STARD13: variants seen among roughly 807,000 people sequenced by gnomAD.
STARD13 encodes the protein StAR related lipid transfer domain containing 13.
In STARD13, 62 loss-of-function variants were observed where a neutral mutation model predicts 106.4. The ratio of observed to expected loss-of-function variants is 0.58; its 90% CI spans 0.48 to 0.72. The LOEUF is 0.72. Among genes scored for constraint, STARD13 ranks in the 30% least tolerant of loss-of-function variants. The pLI, the probability that STARD13 is intolerant of heterozygous loss-of-function variation, is 0.00. For missense variants in STARD13, 1,387 were observed against 1,424.0 expected, an observed-to-expected ratio of 0.97 and a Z score of 0.42; for synonymous variants, 565 against 553.0, an observed-to-expected ratio of 1.02 and a Z score of -0.31.
chr13:33,518,513 A>G, the STARD13 span, among the ~76,000 whole-genome samples: 2 of 152,104 alleles, frequency 1.3e-5, no homozygotes, highest in South Asian at 4.1e-4. Flanking sequence ...AAAACTAAAA[A>G]GATTCAGGAG....
chr13:33,648,574 T>C, the STARD13 span, among the ~76,000 whole-genome samples: 3 of 152,146 alleles, frequency 2.0e-5, 1 homozygote, highest in Non-Finnish European at 4.4e-5. Context: ...ATTAACTCCT[T>C]AATTTTCCTT....
chr13:33,354,940 T>A (rs1397787074), upstream of STARD13, among the ~76,000 whole-genome samples: 2 of 152,070 alleles, frequency 1.3e-5, no homozygotes, highest in African/African-American at 2.4e-5. Context: ...ACCAAGTTTT[T>A]CATTTTTTTT....
chr13:33,183,534 C>T (rs780970344), intron 1 of STARD13, among the ~76,000 whole-genome samples: 4 of 152,194 alleles, frequency 2.6e-5, no homozygotes, highest in Non-Finnish European at 5.9e-5. Context: ...CTGTTCCACT[C>T]TGTTTGAGAA....
chr13:33,422,240 C>T, the STARD13 span, among the ~76,000 whole-genome samples: 11,143 of 152,208 alleles, frequency 0.073, 903 homozygotes, highest in East Asian at 0.3. Flanking sequence ...TACGCAACTT[C>T]GGTAAAGTCT....
the STARD13 span, among the ~76,000 whole-genome samples, chr13:33,513,027 G>A: frequency 6.6e-6 from 1 of 152,172 alleles, no homozygotes; most frequent in Non-Finnish European, 1.5e-5. Flanking sequence ...ACATTCACTT[G>A]TTTATATATT....
chr13:33,142,857 C>T (rs1431520642), intron 3 of STARD13, among the ~76,000 whole-genome samples: 2 of 152,154 alleles, frequency 1.3e-5, no homozygotes, highest in Admixed American at 6.5e-5. Flanking sequence ...CTAACTATGC[C>T]GCTCCAGAAC....
chr13:33,186,072 T>C, intron 1 of STARD13: 2 of 1,603,626 alleles, frequency 1.2e-6, no homozygotes, highest in Non-Finnish European at 1.7e-6. Flanking sequence ...TCCTCTCTCA[T>C]GTTTCCGGTT....
the STARD13 span, among the ~76,000 whole-genome samples, chr13:33,605,530 C>A: frequency 1.6e-4 from 25 of 151,754 alleles, no homozygotes; most frequent in Admixed American, 3.3e-4. Flanking sequence ...ACAACAACAA[C>A]AAAAAAATGC....
chr13:33,630,522 G>A, the STARD13 span, among the ~76,000 whole-genome samples: 1 of 152,112 alleles, frequency 6.6e-6, no homozygotes, highest in Admixed American at 6.6e-5. Context: ...GAGATTCAAC[G>A]TAGTCACTCT....
chr13:33,455,208 T>C, the STARD13 span, among the ~76,000 whole-genome samples: 1 of 152,184 alleles, frequency 6.6e-6, no homozygotes, highest in African/African-American at 2.4e-5. Context: ...AGGAGGATGC[T>C]GAGAGCAGAC....
chr13:33,532,333 G>A, the STARD13 span, among the ~76,000 whole-genome samples: 1 of 152,056 alleles, frequency 6.6e-6, no homozygotes, highest in African/African-American at 2.4e-5. Flanking sequence ...TAAATCATGT[G>A]CTCTTTTCCC....
intron 1 of STARD13, among the ~76,000 whole-genome samples, chr13:33,175,031 T>G (rs1884368966): frequency 1.3e-5 from 2 of 152,200 alleles, no homozygotes; most frequent in Non-Finnish European, 2.9e-5. Flanking sequence ...TTTCCATGCC[T>G]GTATTCCCAA....
chr13:33,664,868 C>T, the STARD13 span, among the ~76,000 whole-genome samples: 6 of 152,206 alleles, frequency 3.9e-5, no homozygotes, highest in South Asian at 4.1e-4. Flanking sequence ...CCTCATGATC[C>T]GCCCGCCTCG....
intron 1 of STARD13, among the ~76,000 whole-genome samples, chr13:33,243,468 G>A (rs1889649362): frequency 6.6e-6 from 1 of 152,198 alleles, no homozygotes; most frequent in African/African-American, 2.4e-5. Context: ...AGCCAAGAGT[G>A]AAGGGCCTCT....
At chr13:33,110,942 G>T in intron 10 of STARD13, 35 bp from the exon 11 acceptor site, 1 of 1,576,050 alleles carries the variant, frequency 6.3e-7, no homozygotes, top group Non-Finnish European at 8.7e-7. Context: ...GCAACACACT[G>T]AGCCAAAGAA....
chr13:33,451,094 A>G, the STARD13 span, among the ~76,000 whole-genome samples: 1 of 151,994 alleles, frequency 6.6e-6, no homozygotes, highest in Non-Finnish European at 1.5e-5. Flanking sequence ...TGCCTAGGCC[A>G]GTTTTGAACT....
the STARD13 span, among the ~76,000 whole-genome samples, chr13:33,363,682 C>T: frequency 6.6e-6 from 1 of 152,322 alleles, no homozygotes; most frequent in South Asian, 2.1e-4. Flanking sequence ...CACACTGACT[C>T]TTCTTTTCTA....
In STARD13 at chr13:33,118,089, C is replaced by T; in HGVS notation, c.2257G>A (p.Glu753Lys). ...PEPLFTNKLSETFLHIYQYVS... is the reference protein window; with the variant it reads ...PEPLFTNKLSKTFLHIYQYVS... ...CACTGATAGATATGGAGAAAGGTCT[C>T]ACTGAGCTTGTTGGTGAAAAGAGGC... The change falls in exon 8 of 14, where the codon GAG (glutamate) becomes AAG (lysine). Residue 753 changes from glutamate to lysine, a missense_variant. Physicochemically the swap from Glu to Lys is moderately conservative, Grantham distance 56 (BLOSUM62 1). Transcript: ENST00000336934. The T allele has an allele frequency of 1.2e-6, 2 of 1,614,226 alleles. No homozygotes were observed. Among genetic ancestry groups the T allele is most frequent in the Non-Finnish European group, 1.7e-6 (2 of 1,180,042 alleles).
chr13:33,425,779 G>A, the STARD13 span, among the ~76,000 whole-genome samples: 3 of 152,322 alleles, frequency 2.0e-5, no homozygotes, highest in South Asian at 6.2e-4. Context: ...CCATGTAAAT[G>A]GTGGGAAGAC....
Sources: allele counts gnomAD v4.1 joint callset (sites outside exome capture counted in the v4.1 genomes callset), GRCh38; gene constraint gnomAD v4.1.1; transcripts MANE v1.5; gene names NCBI Gene and HGNC (gene_info 2026-07-23, HGNC 2026-07-21).